The following CDC14A variants were observed in gnomAD, a reference collection of about 807,000 sequenced individuals.
CDC14A encodes dual specificity protein phosphatase CDC14A.
CDC14A carries 53 observed loss-of-function variants against 74.4 expected under a neutral mutation model. The ratio of observed to expected loss-of-function variants is 0.71; its 90% CI spans 0.57 to 0.89. CDC14A has a LOEUF of 0.89. CDC14A is among the 40% of genes least tolerant of loss of function. The pLI, the probability that CDC14A is intolerant of heterozygous loss-of-function variation, is 0.00. For missense variants in CDC14A, 646 were observed against 713.7 expected, an observed-to-expected ratio of 0.91 and a Z score of 1.08; for synonymous variants, 247 against 258.4, an observed-to-expected ratio of 0.96 and a Z score of 0.43.
chr1:100,466,824 C>T (rs757424294), intron 9 of CDC14A, among the ~76,000 whole-genome samples: 16 of 144,374 alleles, frequency 1.1e-4, no homozygotes, highest in Non-Finnish European at 2.2e-4. Context: ...GAGCCGAGAT[C>T]GCACTATTGC....
At chr1:100,405,764 T>G (rs569195171) in intron 4 of CDC14A, among the ~76,000 whole-genome samples, 60 of 152,218 alleles carry the variant, frequency 3.9e-4, no homozygotes, top group Non-Finnish European at 6.6e-4. Flanking sequence ...CACATTTTCT[T>G]TATCCAGTCT....
At chr1:100,415,435 A>T (rs1313410664) in intron 4 of CDC14A, among the ~76,000 whole-genome samples, 2 of 152,186 alleles carry the variant, frequency 1.3e-5, no homozygotes, top group African/African-American at 4.8e-5. Flanking sequence ...AAAATTGTTA[A>T]GTATTTTTAG....
intron 1 of CDC14A, 63 bp downstream of exon 1, chr1:100,353,066 C>A: frequency 1.3e-6 from 2 of 1,547,330 alleles, no homozygotes; most frequent in Non-Finnish European, 8.9e-7. Flanking sequence ...ACTTCCCGCG[C>A]CACTGTCCCC....
intron 5 of CDC14A, among the ~76,000 whole-genome samples, chr1:100,439,162 G>T (rs1014753627): frequency 2.6e-5 from 4 of 152,218 alleles, no homozygotes; most frequent in Admixed American, 6.5e-5. Context: ...CACCACGGTA[G>T]GTTCCCACTC....
At chr1:100,462,586 T>G (rs768720973) in intron 8 of CDC14A, 65 bp from the exon 9 acceptor site, 19 of 1,234,184 alleles carry the variant, frequency 1.5e-5, no homozygotes, top group Non-Finnish European at 2.0e-5. Context: ...GTTGAGAGTT[T>G]TGTATTTCTG....
At chr1:100,447,408 G>T (rs1457316429) in intron 7 of CDC14A, among the ~76,000 whole-genome samples, 1 of 152,138 alleles carries the variant, frequency 6.6e-6, no homozygotes. Flanking sequence ...CATTTGCCCC[G>T]ATCAGACATG....
chr1:100,497,710 G>A (rs1291816191), intron 13 of CDC14A, among the ~76,000 whole-genome samples: 1 of 152,200 alleles, frequency 6.6e-6, no homozygotes, highest in Non-Finnish European at 1.5e-5. Context: ...CAGTGGCCCA[G>A]GAAGACAGGA....
intron 15 of CDC14A, among the ~76,000 whole-genome samples, chr1:100,514,399 T>C (rs1650030733): frequency 6.6e-6 from 1 of 152,196 alleles, no homozygotes; most frequent in South Asian, 2.1e-4. Flanking sequence ...CATTCAAAAA[T>C]GTATTTATCT....
intron 5 of CDC14A, among the ~76,000 whole-genome samples, chr1:100,434,212 G>A (rs369423617): frequency 6.6e-6 from 1 of 152,158 alleles, no homozygotes; most frequent in Non-Finnish European, 1.5e-5. Context: ...TAGTATGCCA[G>A]AAGTCACATT....
At chr1:100,488,308 C>T (rs1488930411) in intron 11 of CDC14A, among the ~76,000 whole-genome samples, 4 of 152,104 alleles carry the variant, frequency 2.6e-5, no homozygotes, top group African/African-American at 7.2e-5. Context: ...TGTTACTAGG[C>T]CCATTTACAG....
chr1:100,390,486 CATATTAGTTTCTTTTCTGGGAGAGAAAG>C (rs1164336898), intron 3 of CDC14A, among the ~76,000 whole-genome samples: 1 of 152,082 alleles, frequency 6.6e-6, no homozygotes, highest in East Asian at 1.9e-4. Flanking sequence ...TATTTTCCAC[CATATTAGTTTCTTTTCTGGGAGAGAAAG>C]ATATTAATTA....
chr1:100,351,599 A>G (rs915134386), upstream of CDC14A: 1 of 645,512 alleles, frequency 1.5e-6, no homozygotes, highest in African/African-American at 1.8e-5. Context: ...TCCTTGGACC[A>G]GTGGACTCTC....
chr1:100,355,758 G>A (rs952916609), intron 2 of CDC14A, among the ~76,000 whole-genome samples: 1 of 152,140 alleles, frequency 6.6e-6, no homozygotes, highest in African/African-American at 2.4e-5. Context: ...CATGGTGCTA[G>A]GTGATGCAGA....
At chr1:100,459,126 C>CACACACACAGAGAG (rs1279905046) in intron 8 of CDC14A, among the ~76,000 whole-genome samples, 1 of 144,576 alleles carries the variant, frequency 6.9e-6, no homozygotes, top group African/African-American at 2.6e-5. Context: ...CACACACACA[C>CACACACACAGAGAG]AGAGAGAGAG....
rs148240011 is a variant in CDC14A at position 100,501,923 on chromosome 1, A to T, written c.1755+2661A>T. ...AGATATTTAAAATAAAAAAAATAGG[A>T]TAAGGATGTAAAGGAAGAAAATACT... On this transcript the variant is annotated intron_variant, in intron 15 of 15. Transcript: ENST00000336454. Among the ~76,000 whole-genome samples the T allele has an allele frequency of 2.7e-3, 404 of 152,326 alleles. 1 individual carries two copies. The highest frequency in any genetic ancestry group is 9.2e-3 in the African/African-American group (383 of 41,576).
intron 4 of CDC14A, among the ~76,000 whole-genome samples, chr1:100,420,061 C>CATATATATATATAT (rs1377818349): frequency 2.6e-3 from 158 of 61,750 alleles, no homozygotes; most frequent in East Asian, 5.3e-3. Flanking sequence ...CACACACACA[C>CATATATATATATAT]ACATATATAT....
intron 5 of CDC14A, among the ~76,000 whole-genome samples, chr1:100,433,058 T>A (rs901035285): frequency 2.0e-5 from 3 of 151,974 alleles, no homozygotes; most frequent in South Asian, 2.1e-4. Context: ...TTTTTTTTTT[T>A]AAATAGAGAA....
At chr1:100,367,702 T>C (rs1653835456) in intron 2 of CDC14A, among the ~76,000 whole-genome samples, 1 of 152,218 alleles carries the variant, frequency 6.6e-6, no homozygotes, top group African/African-American at 2.4e-5. Context: ...AACTTTTGAC[T>C]GAATTTTTTT....
chr1:100,385,648 G>A (rs1428373960), intron 3 of CDC14A, among the ~76,000 whole-genome samples: 2 of 152,046 alleles, frequency 1.3e-5, no homozygotes, highest in African/African-American at 4.8e-5. Flanking sequence ...GTAAATGTTC[G>A]TCAAAGGCCC....
Sources: allele counts gnomAD v4.1 joint callset (sites outside exome capture counted in the v4.1 genomes callset), GRCh38; gene constraint gnomAD v4.1.1; transcripts MANE v1.5; gene names NCBI Gene and HGNC (gene_info 2026-07-23, HGNC 2026-07-21).